Variants in TCN2 observed in about 807,000 individuals in gnomAD.
The protein encoded by TCN2 is transcobalamin 2.
TCN2 carries 34 observed loss-of-function variants against 48.6 expected under a neutral mutation model. That is an observed-to-expected ratio of 0.70 (90% CI 0.53 to 0.93). The LOEUF (loss-of-function observed/expected upper bound fraction) is 0.93. Among genes scored for constraint, TCN2 ranks in the 40% least tolerant of loss-of-function variants. The pLI is 0.00. For synonymous variants in TCN2, 283 were observed against 212.5 expected (o/e 1.33, Z -2.89); for missense variants, 652 against 526.1 (o/e 1.24, Z -2.34).
chr22:30,626,762 C>T lies in TCN2; in HGVS notation c.*241C>T. ...TTCTGGCCAAGTCTGGCCAGCCTGG[C>T]CCTGCAGGTCTCCCATGAAGGCCAC... On this transcript the variant is annotated 3_prime_UTR_variant, in exon 9 of 9. Transcript: ENST00000215838. 2 of 595,760 alleles carry T rather than the reference C, an allele frequency of 3.4e-6. 1 individual carries two copies. The highest frequency in any genetic ancestry group is 3.9e-5 in the South Asian group (2 of 51,130). The allele number at this position is 595,760 out of a possible 1,614,324, so 36.9% of individuals were successfully genotyped here.
At position 30,626,837 on chromosome 22, in the gene TCN2, GAGTCCGC is replaced by G. The variant is rs1218435559; in HGVS notation, c.*319_*325del. The G allele has an allele frequency of 6.3e-6, 3 of 477,942 alleles. No individual in the cohort carries two copies. Among genetic ancestry groups the G allele is most frequent in the African/African-American group, 3.9e-5 (2 of 51,190 alleles). 29.6% of individuals were successfully genotyped at this position (477,942 alleles called of 1,614,324 possible). On this transcript the variant is annotated 3_prime_UTR_variant, in exon 9 of 9. Transcript: ENST00000215838. ...ATCTCAGACTCCTTGGCAAAAAACG[GAGTCCGC>G]AGGCCGCAGGTGTTGTGAAGACCAC...
At chr22:30,622,221 A>G (rs1323946091) in intron 7 of TCN2, among the ~76,000 whole-genome samples, 1 of 152,046 alleles carries the variant, frequency 6.6e-6, no homozygotes, top group African/African-American at 2.4e-5. Context: ...TCCCAACCTC[A>G]GGTGATCTGC....
chr22:30,608,395 T>C (rs1197603249), intron 1 of TCN2, among the ~76,000 whole-genome samples: 1 of 152,198 alleles, frequency 6.6e-6, no homozygotes, highest in Non-Finnish European at 1.5e-5. Context: ...GTTTTCGTTT[T>C]GTTTTTTGTT....
At position 30,623,960 on chromosome 22, in the gene TCN2, A is replaced by ATG. The variant is rs1555896291; in HGVS notation, c.1222+878_1222+879insGT. On this transcript the variant is annotated intron_variant, in intron 8 of 8. Transcript: ENST00000215838. ...TATACACACACACATATGTATACATATATACACACACATATATATGTATAC... is the reference window on the plus strand; with the variant it reads ...TATACACACACACATATGTATACATATGTATACACACACATATATATGTATAC... 7.5e-5 allele frequency among the ~76,000 whole-genome samples: 6 copies of ATG among 79,974 alleles called. 1 individual carries two copies. Among genetic ancestry groups the ATG allele is most frequent in the Admixed American group, 2.8e-4 (2 of 7,092 alleles). 52.5% of individuals were successfully genotyped at this position (79,974 alleles called of 152,430 possible).
At chr22:30,617,017 C>T (rs1307174568) in intron 6 of TCN2, among the ~76,000 whole-genome samples, 2 of 151,972 alleles carry the variant, frequency 1.3e-5, no homozygotes, top group East Asian at 1.9e-4. Flanking sequence ...TAGGAAGAGC[C>T]CTCTGGAGTG....
intron 7 of TCN2, among the ~76,000 whole-genome samples, chr22:30,620,650 A>G (rs546544317): frequency 9.1e-4 from 139 of 152,366 alleles, no homozygotes; most frequent in African/African-American, 3.2e-3. Context: ...GCTGGTATTC[A>G]TGTTTGAATA....
chr22:30,623,827 C>CACATACATATAT lies in TCN2; in HGVS notation c.1222+747_1222+748insTACATATATACA, dbSNP rs2087744653. Among the ~76,000 whole-genome samples the CACATACATATAT allele has an allele frequency of 1.1e-4, 3 of 26,930 alleles. 1 individual carries two copies. The highest frequency in any genetic ancestry group is 6.0e-4 in the South Asian group (1 of 1,672). 17.7% of individuals were successfully genotyped at this position (26,930 alleles called of 152,430 possible). On this transcript the variant is annotated intron_variant, in intron 8 of 8. Transcript: ENST00000215838. ...ATACACATATATACACACACATACA[C>CACATACATATAT]ACACATATACACACACATACATACA...
Position 30,626,774 on chromosome 22 carries a change from C to T in TCN2, c.*253C>T. Reference sequence around the variant, plus strand: ...CTGGCCAGCCTGGCCCTGCAGGTCTCCCATGAAGGCCACCCCATGGTCTGA... The same window carrying T: ...CTGGCCAGCCTGGCCCTGCAGGTCTTCCATGAAGGCCACCCCATGGTCTGA... On this transcript the variant is annotated 3_prime_UTR_variant, in exon 9 of 9. Transcript: ENST00000215838. 1.7e-6 allele frequency: 1 copy of T among 585,464 alleles called. No homozygotes were observed. The highest frequency in any genetic ancestry group is 1.9e-5 in the African/African-American group (1 of 53,754). The allele number at this position is 585,464 out of a possible 1,614,324, so 36.3% of individuals were successfully genotyped here. A position where few individuals can be genotyped will look rare whatever the true frequency, so the allele number is the denominator to read the frequency against.
In TCN2 at chr22:30,607,185, C is replaced by G. The variant is rs998958533; in HGVS notation, c.-147C>G. 4 of 884,782 alleles carry G rather than the reference C, an allele frequency of 4.5e-6. No individual in the cohort carries two copies. The highest frequency in any genetic ancestry group is 7.5e-6 in the Non-Finnish European group (4 of 535,288). 54.8% of individuals were successfully genotyped at this position (884,782 alleles called of 1,614,324 possible). On this transcript the variant is annotated 5_prime_UTR_variant, in exon 1 of 9. Transcript: ENST00000215838. ...CGCCCCACCCCTCTGCAGACTTAGC[C>G]GTGCATTGCAGGCATGGAGGATTAA... is the stretch of plus-strand genomic sequence containing the variant.
At chr22:30,614,318 G>C in intron 3 of TCN2, 31 bp from the exon 4 acceptor site, 1 of 1,611,932 alleles carries the variant, frequency 6.2e-7, no homozygotes, top group Non-Finnish European at 8.5e-7. Flanking sequence ...TGGGGGCAGA[G>C]AGGCAACCCC....
At chr22:30,618,110 G>T (rs1029549593) in intron 7 of TCN2, among the ~76,000 whole-genome samples, 1 of 124,226 alleles carries the variant, frequency 8.0e-6, no homozygotes, top group African/African-American at 3.4e-5. Context: ...ACAACCCTGG[G>T]TAATTTTTTT....
chr22:30,617,977 A>G (rs1602050720), intron 7 of TCN2, among the ~76,000 whole-genome samples: 1 of 152,192 alleles, frequency 6.6e-6, no homozygotes, highest in South Asian at 2.1e-4. Context: ...TCTCAATCTT[A>G]TCACCCAGGC....
intron 7 of TCN2, 101 bp from the exon 8 acceptor site, chr22:30,622,867 A>G: frequency 1.6e-6 from 2 of 1,280,240 alleles, no homozygotes; most frequent in Middle Eastern, 1.8e-4. Context: ...GTGTCGGCCC[A>G]AAGAGCTTGG....
At chr22:30,618,720 T>C (rs2087652376) in intron 7 of TCN2, among the ~76,000 whole-genome samples, 1 of 152,196 alleles carries the variant, frequency 6.6e-6, no homozygotes, top group South Asian at 2.1e-4. Context: ...CATAGCTCAC[T>C]GCAGCCTCAA....
intron 3 of TCN2, among the ~76,000 whole-genome samples, chr22:30,613,907 C>T (rs2087574765): frequency 6.6e-6 from 1 of 152,174 alleles, no homozygotes; most frequent in African/African-American, 2.4e-5. Context: ...AACTCATAAG[C>T]CAGTTTTTTC....
intron 8 of TCN2, 110 bp downstream of exon 8, chr22:30,623,193 T>G: frequency 2.1e-6 from 2 of 956,830 alleles, no homozygotes; most frequent in Non-Finnish European, 3.3e-6. Flanking sequence ...GGCCACACCT[T>G]CACAAAATCA....
chr22:30,624,753 G>A (rs1006648382), intron 8 of TCN2, among the ~76,000 whole-genome samples: 4 of 152,102 alleles, frequency 2.6e-5, no homozygotes, highest in Non-Finnish European at 4.4e-5. Flanking sequence ...GAAAAATAGC[G>A]CCCAGGCTAC....
chr22:30,611,126 A>G (rs1159740104), intron 2 of TCN2, 63 bp downstream of exon 2: 1 of 1,606,228 alleles, frequency 6.2e-7, no homozygotes. Context: ...AAACTTGGGT[A>G]CTAGTTTGGG....
At position 30,617,310 on chromosome 22, in the gene TCN2, C is replaced by T. The variant is rs1377549551; in HGVS notation, c.941-20C>T. 2 of 1,614,116 alleles carry T rather than the reference C, an allele frequency of 1.2e-6. No individual in the cohort carries two copies. The highest frequency in any genetic ancestry group is 2.2e-5 in the South Asian group (2 of 91,078). ...TCTCTGTCCTCACACCAGCTGCCCG[C>T]CCCTTTCTTCCTGGCACAGTCATGT... On this transcript the variant is annotated intron_variant, in intron 6 of 8. Transcript: ENST00000215838.
Sources: allele counts gnomAD v4.1 joint callset (sites outside exome capture counted in the v4.1 genomes callset), GRCh38; gene constraint gnomAD v4.1.1; transcripts MANE v1.5; gene names NCBI Gene and HGNC (gene_info 2026-07-23, HGNC 2026-07-21).